The following LRMDA variants were observed in gnomAD, a reference collection of about 807,000 sequenced individuals.
LRMDA encodes leucine-rich melanocyte differentiation-associated protein.
LRMDA carries 18 observed loss-of-function variants against 29.8 expected under a neutral mutation model. The ratio of observed to expected loss-of-function variants is 0.60; its 90% confidence interval spans 0.42 to 0.90. The LOEUF is 0.90. Ranked by LOEUF, LRMDA falls within the 40% of genes least tolerant of loss-of-function variation. The pLI is 0.00. For synonymous variants in LRMDA, 125 were observed against 109.4 expected (o/e 1.14, Z -0.89); for missense variants, 273 against 273.9 (o/e 1.00, Z 0.02).
intron 6 of LRMDA, among the ~76,000 whole-genome samples, chr10:76,343,517 C>T (rs555893118): frequency 6.6e-6 from 1 of 152,006 alleles, no homozygotes; most frequent in African/African-American, 2.4e-5. Flanking sequence ...ATGATGAAAC[C>T]CATAATTATA....
chr10:76,531,896 C>T (rs1843238022), intron 6 of LRMDA, among the ~76,000 whole-genome samples: 1 of 152,142 alleles, frequency 6.6e-6, no homozygotes, highest in Admixed American at 6.6e-5. Context: ...GTCATTAAAA[C>T]CATTTGGGCC....
At chr10:75,439,206 T>C (rs1844298214) in intron 2 of LRMDA, among the ~76,000 whole-genome samples, 1 of 152,038 alleles carries the variant, frequency 6.6e-6, no homozygotes, top group South Asian at 2.1e-4. Context: ...AAGTAAGAGG[T>C]ACTTGGAAAG....
chr10:75,966,703 A>C (rs1846866748), intron 2 of LRMDA, among the ~76,000 whole-genome samples: 1 of 152,152 alleles, frequency 6.6e-6, no homozygotes, highest in Non-Finnish European at 1.5e-5. Flanking sequence ...GGCTGAGGGG[A>C]ATGTAGGAAA....
rs956201709 is a variant in LRMDA at position 75,922,707 on chromosome 10, CCTT to C, written c.132-113298_132-113296del. On this transcript the variant is annotated intron_variant, in intron 2 of 6. Coordinates refer to ENST00000611255, the MANE Select transcript of LRMDA (RefSeq NM_001305581.2). Reference sequence around the variant, plus strand: ...CAGAATGTGGATGAGACCTCAGAATCCTTCTCAGCAATGTCCTGAGGGTAGACA... The same window carrying C: ...CAGAATGTGGATGAGACCTCAGAATCCTCAGCAATGTCCTGAGGGTAGACA... 6.6e-5 allele frequency among the ~76,000 whole-genome samples: 10 copies of C among 152,178 alleles called. 1 individual carries two copies. Among genetic ancestry groups the C allele is most frequent in the Admixed American group, 3.9e-4 (6 of 15,280 alleles).
intron 5 of LRMDA, among the ~76,000 whole-genome samples, chr10:76,143,178 A>G (rs1044654055): frequency 3.3e-5 from 5 of 152,202 alleles, no homozygotes; most frequent in Admixed American, 3.3e-4. Flanking sequence ...TTATAGCAGC[A>G]TGATTTATTA....
intron 6 of LRMDA, among the ~76,000 whole-genome samples, chr10:76,381,021 C>CTTTTTTTTT: frequency 1.0e-5 from 1 of 96,916 alleles, no homozygotes; most frequent in African/African-American, 3.5e-5. Flanking sequence ...TTTATCTTTG[C>CTTTTTTTTT]TTTTTTTTTT....
Position 76,559,775 on chromosome 10 carries a change from G to GTTCT in LRMDA, c.*2490_*2493dup, listed in dbSNP as rs1301584579. On this transcript the variant is annotated 3_prime_UTR_variant, in exon 7 of 7. Transcript: ENST00000611255. ...CCTTTTATCCTATTCCACTGAGCTTGTTCTTTGGGGATTGTGGTGCCTGAC... is the reference window on the plus strand; with the variant it reads ...CCTTTTATCCTATTCCACTGAGCTTGTTCTTTCTTTGGGGATTGTGGTGCCTGAC... The GTTCT allele has an allele frequency of 2.6e-5, 4 of 152,226 alleles. No individual in the cohort carries two copies. Among genetic ancestry groups the GTTCT allele is most frequent in the Admixed American group, 6.5e-5 (1 of 15,286 alleles). The allele number at this position is 152,226 out of a possible 1,614,324, so 9.4% of individuals were successfully genotyped here. A position where few individuals can be genotyped will look rare whatever the true frequency, so the allele number is the denominator to read the frequency against.
intron 2 of LRMDA, among the ~76,000 whole-genome samples, chr10:75,515,220 A>G (rs909518330): frequency 2.0e-5 from 3 of 152,156 alleles, no homozygotes; most frequent in Non-Finnish European, 4.4e-5. Context: ...GGGCTGGTGG[A>G]TGGTGGTGGG....
chr10:76,423,914 G>A (rs1842096342), intron 6 of LRMDA, among the ~76,000 whole-genome samples: 3 of 152,134 alleles, frequency 2.0e-5, no homozygotes, highest in African/African-American at 7.2e-5. Context: ...CTAGACCTGG[G>A]GGTCTCCTGA....
intron 5 of LRMDA, among the ~76,000 whole-genome samples, chr10:76,211,659 T>TGG (rs1851636357): frequency 6.6e-6 from 1 of 152,252 alleles, no homozygotes; most frequent in Admixed American, 6.5e-5. Flanking sequence ...TAGGCTGACA[T>TGG]GTACAGAATC....
intron 5 of LRMDA, among the ~76,000 whole-genome samples, chr10:76,276,240 A>G (rs909773099): frequency 2.6e-5 from 4 of 152,112 alleles, no homozygotes; most frequent in Admixed American, 2.6e-4. Context: ...TCTTGGGCTT[A>G]AAGATCCTCC....
chr10:76,026,016 G>T (rs906147380), intron 2 of LRMDA, among the ~76,000 whole-genome samples: 1 of 152,102 alleles, frequency 6.6e-6, no homozygotes, highest in Non-Finnish European at 1.5e-5. Flanking sequence ...ACCCCAAGGG[G>T]ATCATTAGCA....
At chr10:75,934,648 G>T (rs1846257519) in intron 2 of LRMDA, among the ~76,000 whole-genome samples, 1 of 152,128 alleles carries the variant, frequency 6.6e-6, no homozygotes, top group Non-Finnish European at 1.5e-5. Flanking sequence ...CAAGTTTGGT[G>T]CAGGGGTCTA....
chr10:76,047,231 T>A lies in LRMDA; in HGVS notation c.326T>A (p.Leu109Gln). Residue 109 changes from leucine to glutamine, a missense_variant, in exon 4 of 7, where the codon CTG becomes CAG. Physicochemically the swap from Leu to Gln is moderately radical, Grantham distance 113 (BLOSUM62 -2). Transcript: ENST00000611255. ...ACACCAGCTCTGGAGTACCTCAGTC[T>A]GCTGGGCAACGTGGCCTGTCCCAAC... Reference protein sequence around the residue: ...EVTPALEYLSLLGNVACPNEL... With the variant: ...EVTPALEYLSQLGNVACPNEL... The A allele has an allele frequency of 6.2e-7, 1 of 1,614,172 alleles. No homozygotes were observed. The highest frequency in any genetic ancestry group is 1.1e-5 in the South Asian group (1 of 91,072).
intron 5 of LRMDA, among the ~76,000 whole-genome samples, chr10:76,232,187 C>G (rs954014646): frequency 6.6e-6 from 1 of 152,060 alleles, no homozygotes; most frequent in Non-Finnish European, 1.5e-5. Flanking sequence ...TTTAAAATAA[C>G]CAGACACCAA....
intron 5 of LRMDA, among the ~76,000 whole-genome samples, chr10:76,183,857 T>A (rs773194907): frequency 5.3e-5 from 8 of 152,116 alleles, no homozygotes; most frequent in Non-Finnish European, 1.2e-4. Context: ...TAGCTGGGGC[T>A]ACAAGTGTGT....
At chr10:75,563,025 G>C (rs1033917094) in intron 2 of LRMDA, among the ~76,000 whole-genome samples, 3 of 152,016 alleles carry the variant, frequency 2.0e-5, no homozygotes, top group African/African-American at 7.3e-5. Flanking sequence ...TGCTCTTCTT[G>C]AGGAGTATCT....
intron 6 of LRMDA, among the ~76,000 whole-genome samples, chr10:76,490,352 G>C (rs1439652633): frequency 1.3e-5 from 2 of 151,866 alleles, no homozygotes; most frequent in Non-Finnish European, 2.9e-5. Flanking sequence ...TGGAAGATCT[G>C]TCCAATGATG....
intron 6 of LRMDA, among the ~76,000 whole-genome samples, chr10:76,348,202 G>T (rs753876806): frequency 6.6e-6 from 1 of 152,106 alleles, no homozygotes; most frequent in East Asian, 1.9e-4. Flanking sequence ...CTCAAATCAG[G>T]CTTCTTCTGG....
Sources: allele counts gnomAD v4.1 joint callset (sites outside exome capture counted in the v4.1 genomes callset), GRCh38; gene constraint gnomAD v4.1.1; transcripts MANE v1.5; gene names NCBI Gene and HGNC (gene_info 2026-07-23, HGNC 2026-07-21).